EPG5: variants seen among roughly 807,000 people sequenced by gnomAD.
EPG5 encodes the protein ectopic P granules protein 5 homolog.
Under a neutral mutation model 302.7 loss-of-function variants are expected in EPG5, and 159 were observed. That is an observed-to-expected ratio of 0.53 (90% CI 0.46 to 0.60). EPG5 has a LOEUF of 0.60. Among genes scored for constraint, EPG5 ranks in the 20% least tolerant of loss-of-function variants. EPG5 has a pLI of 0.00. For missense variants in EPG5, 2,896 were observed against 3,092.4 expected, an observed-to-expected ratio of 0.94 and a Z score of 1.51; for synonymous variants, 1,158 against 1,136.8, an observed-to-expected ratio of 1.02 and a Z score of -0.37.
chr18:45,923,362 A>G lies in EPG5; in HGVS notation c.2744T>C (p.Val915Ala). Residue 915 changes from valine to alanine, a missense_variant, in exon 15 of 44, where the codon GTC becomes GCC. Val to Ala is a moderately conservative substitution (Grantham distance 64). This residue lies in a region of EPG5 where 1,390 missense variants were observed against 1,430.0 expected (regional missense o/e 0.97). Coordinates refer to ENST00000282041, the MANE Select transcript of EPG5 (RefSeq NM_020964.3). ...KQATLHLDQA[V>A]HAEVALMVLE... ...AACCATTAAAGCCACTTCAGCATGGACTGCTTGATCCAGATGAAGGGTAGC... is the reference window on the plus strand; with the variant it reads ...AACCATTAAAGCCACTTCAGCATGGGCTGCTTGATCCAGATGAAGGGTAGC... 1 of 1,613,916 alleles carries G rather than the reference A, an allele frequency of 6.2e-7. No individual in the cohort carries two copies. The highest frequency in any genetic ancestry group is 8.5e-7 in the Non-Finnish European group (1 of 1,179,956).
At chr18:45,902,981 G>C (rs760021870) in intron 25 of EPG5, among the ~76,000 whole-genome samples, 19 of 152,182 alleles carry the variant, frequency 1.2e-4, no homozygotes, top group Non-Finnish European at 2.2e-4. Flanking sequence ...CAAACGAAGG[G>C]CTTCATAAAT....
chr18:45,837,699 G>T, the EPG5 span: 16 of 1,479,134 alleles, frequency 1.1e-5, no homozygotes, highest in Non-Finnish European at 1.4e-5. Context: ...GCGGCGCGGG[G>T]CAGCGAGCTC....
At chr18:45,889,678 T>C in intron 28 of EPG5, 120 bp downstream of exon 28, 1 of 819,116 alleles carries the variant, frequency 1.2e-6, no homozygotes, top group Non-Finnish European at 1.8e-6. Flanking sequence ...CGTAGTTTGC[T>C]GATGTCTGTA....
the EPG5 span, among the ~76,000 whole-genome samples, chr18:45,813,929 AAAAAT>A: frequency 6.6e-6 from 1 of 152,192 alleles, no homozygotes; most frequent in East Asian, 1.9e-4. Context: ...AAAAAATTAA[AAAAAT>A]AAAATTATCC....
In EPG5 at chr18:45,886,912, C is replaced by T. The variant is rs527475308; in HGVS notation, c.5109+839G>A. Reference sequence around the variant, plus strand: ...ACCTCAGATGATCTGCCCACCTCAGCCTCCCAAAGTGCTGGGATTACAAGT... The same window carrying T: ...ACCTCAGATGATCTGCCCACCTCAGTCTCCCAAAGTGCTGGGATTACAAGT... On this transcript the variant is annotated intron_variant, in intron 29 of 43. Transcript: ENST00000282041. 1.6e-4 allele frequency among the ~76,000 whole-genome samples: 25 copies of T among 152,284 alleles called. 1 individual carries two copies. The South Asian group carries it at 5.2e-3, about 32-fold the overall frequency.
rs376268597 is a variant in EPG5, at chr18:45,923,345, A to G, written c.2761T>C (p.Leu921=). The change falls in exon 15 of 44, where the codon TTA becomes CTA. Residue 921 remains leucine (L), a synonymous_variant. Coordinates refer to ENST00000282041, the MANE Select transcript of EPG5 (RefSeq NM_020964.3). ...LDQAVHAEVA[L]MVLEAYQKYL... Reference sequence around the variant, plus strand: ...TTCTGATAAGCTTCAAGAACCATTAAAGCCACTTCAGCATGGACTGCTTGA... The same window carrying G: ...TTCTGATAAGCTTCAAGAACCATTAGAGCCACTTCAGCATGGACTGCTTGA... 305 of 1,613,930 alleles carry G rather than the reference A, an allele frequency of 1.9e-4. No individual in the cohort carries two copies. The highest frequency in any genetic ancestry group is 2.4e-4 in the Non-Finnish European group (288 of 1,180,002).
chr18:45,812,868 T>A, the EPG5 span, among the ~76,000 whole-genome samples: 1 of 152,146 alleles, frequency 6.6e-6, no homozygotes, highest in African/African-American at 2.4e-5. Flanking sequence ...GGCAAGGACT[T>A]CATGTCTAAA....
chr18:45,966,081 A>G (rs1423301212), intron 1 of EPG5, among the ~76,000 whole-genome samples: 1 of 129,968 alleles, frequency 7.7e-6, no homozygotes, highest in Non-Finnish European at 1.6e-5. Flanking sequence ...CAAAAACAAA[A>G]CAAAACATAG....
chr18:45,956,063 T>C (rs2051023562), intron 1 of EPG5, among the ~76,000 whole-genome samples: 1 of 152,172 alleles, frequency 6.6e-6, no homozygotes, highest in Non-Finnish European at 1.5e-5. Context: ...CTCCCAAATA[T>C]TTAATAACAA....
intron 39 of EPG5, among the ~76,000 whole-genome samples, chr18:45,863,546 C>T (rs760685736): frequency 4.6e-5 from 7 of 152,152 alleles, no homozygotes; most frequent in Non-Finnish European, 1.0e-4. Flanking sequence ...ACTCAACCTC[C>T]TTCCTAGCAT....
intron 11 of EPG5, among the ~76,000 whole-genome samples, chr18:45,933,850 CA>C (rs1568167751): frequency 6.6e-6 from 1 of 151,908 alleles, no homozygotes; most frequent in Non-Finnish European, 1.5e-5. Flanking sequence ...ACTTGGAAAA[CA>C]GAATTATCTT....
rs140324516 is a variant in EPG5 at position 45,953,498 on chromosome 18, T to C, written c.1009-855A>G. On this transcript the variant is annotated intron_variant, in intron 2 of 43. Transcript: ENST00000282041. ...GAGGATTAGGGATAGGGGAATGACA[T>C]GTTTCTCCCCAATATCCCCTCCAGC... 1,126 of 985,340 alleles carry C rather than the reference T, an allele frequency of 1.1e-3. 13 individuals carry two copies. In the African/African-American group the frequency reaches 0.018, roughly 16 times the overall value. The allele number at this position is 985,340 out of a possible 1,614,324, so 61.0% of individuals were successfully genotyped here. A position where few individuals can be genotyped will look rare whatever the true frequency, so the allele number is the denominator to read the frequency against.
intron 1 of EPG5, among the ~76,000 whole-genome samples, chr18:45,966,932 G>A (rs1228119250): frequency 6.6e-6 from 1 of 152,176 alleles, no homozygotes; most frequent in Non-Finnish European, 1.5e-5. Flanking sequence ...AAAGGAAGAG[G>A]CCAGTGAAGT....
chr18:45,882,554 T>A, intron 30 of EPG5, 67 bp from the exon 31 acceptor site: 19 of 1,300,286 alleles, frequency 1.5e-5, no homozygotes, highest in Non-Finnish European at 1.9e-5. Context: ...AGGAGAGAGG[T>A]CTGTGTAAAT....
intron 1 of EPG5, among the ~76,000 whole-genome samples, chr18:45,965,357 T>C (rs1264630320): frequency 2.0e-5 from 3 of 152,170 alleles, no homozygotes; most frequent in African/African-American, 4.8e-5. Context: ...ACTATACTCA[T>C]TACCTGGGTG....
At chr18:45,875,758 A>C (rs757751149) in intron 35 of EPG5, among the ~76,000 whole-genome samples, 43 of 152,176 alleles carry the variant, frequency 2.8e-4, no homozygotes, top group Non-Finnish European at 5.0e-4. Flanking sequence ...AAAGGTAAGA[A>C]GTTACACACC....
rs1247896454 is a variant in EPG5 at position 45,858,721 on chromosome 18, G to A, written c.7071C>T (p.Leu2357=). The change falls in exon 41 of 44, where the codon CTC becomes CTT. Residue 2357 remains leucine, a synonymous_variant. Coordinates refer to ENST00000282041, the MANE Select transcript of EPG5 (RefSeq NM_020964.3). The part of the protein sequence containing the change: ...PILVSLQVPE[L]TMEEFLQECL... ...ACTCCTGCAGGAACTCTTCCATGGT[G>A]AGCTCGGGAACCTGAAGGGATACCA... 4.3e-6 allele frequency: 7 copies of A among 1,614,058 alleles called. No individual in the cohort carries two copies. The highest frequency in any genetic ancestry group is 5.1e-6 in the Non-Finnish European group (6 of 1,180,042).
chr18:45,811,305 T>A, the EPG5 span, among the ~76,000 whole-genome samples: 9 of 152,112 alleles, frequency 5.9e-5, no homozygotes, highest in Admixed American at 3.3e-4. Context: ...GATAAAAGAA[T>A]TCAGCAGTTT....
intron 35 of EPG5, among the ~76,000 whole-genome samples, chr18:45,876,027 A>G (rs2048963003): frequency 6.6e-6 from 1 of 151,944 alleles, no homozygotes; most frequent in African/African-American, 2.4e-5. Flanking sequence ...ACTGCACTCC[A>G]GCCTGGGCGA....
Sources: gnomAD v4.1 joint callset for allele counts (sites outside exome capture counted in the v4.1 genomes callset) on GRCh38, gnomAD v4.1.1 for gene constraint, gnomAD v4.1.1 regional missense constraint, MANE v1.5 for transcripts, NCBI Gene and HGNC (gene_info 2026-07-23, HGNC 2026-07-21) for gene names.